Variants in MYOF observed in about 807,000 individuals in gnomAD.
The protein encoded by MYOF is myoferlin.
MYOF carries 244 observed loss-of-function variants against 284.2 expected under a neutral mutation model. The ratio of observed to expected loss-of-function variants is 0.86; its 90% CI spans 0.77 to 0.95. The LOEUF is 0.95. Ranked by LOEUF, MYOF falls within the 40% of genes least tolerant of loss-of-function variation. The probability of loss-of-function intolerance (pLI) is 0.00; values close to 1 mark genes in which losing one functional copy is unlikely to be tolerated. For synonymous variants in MYOF, 904 were observed against 919.7 expected (o/e 0.98, Z 0.31); for missense variants, 2,496 against 2,560.6 (o/e 0.97, Z 0.54).
In MYOF at chr10:93,378,693, G is replaced by GTGTGTATATATATATATATA; in HGVS notation, c.2001+1169_2001+1170insTATATATATATATATACACA. The stretch of plus-strand genomic sequence containing the variant: ...TATGTGTGTGTGTATGTGTGTGTGT[G>GTGTGTATATATATATATATA]TATATATATATATATATATATATGT... On this transcript the variant is annotated intron_variant, in intron 21 of 53. Coordinates refer to ENST00000359263, the MANE Select transcript of MYOF (RefSeq NM_013451.4). Among the ~76,000 whole-genome samples, 315 of 87,840 alleles carry GTGTGTATATATATATATATA rather than the reference G, an allele frequency of 3.6e-3. 5 individuals are homozygous for GTGTGTATATATATATATATA. The highest frequency in any genetic ancestry group is 0.011 in the African/African-American group (237 of 20,766). The allele number at this position is 87,840 out of a possible 152,430, so 57.6% of individuals were successfully genotyped here.
At chr10:93,355,365 G>A (rs908771411) in intron 31 of MYOF, among the ~76,000 whole-genome samples, 5 of 152,324 alleles carry the variant, frequency 3.3e-5, no homozygotes, top group East Asian at 1.9e-4. Context: ...AGGCCAAGGC[G>A]GGTGGATCAC....
chr10:93,433,450 C>T (rs574238663), intron 3 of MYOF, among the ~76,000 whole-genome samples: 5 of 151,760 alleles, frequency 3.3e-5, no homozygotes, highest in African/African-American at 4.8e-5. Context: ...TGAGCCGCCG[C>T]GCCTGGCCCA....
chr10:93,353,916 C>T (rs769151912), intron 31 of MYOF, 28 bp from the exon 32 acceptor site: 32 of 1,561,638 alleles, frequency 2.0e-5, no homozygotes, highest in Non-Finnish European at 2.5e-5. Context: ...AGATTACTTA[C>T]AAGAAGCGTA....
intron 39 of MYOF, among the ~76,000 whole-genome samples, chr10:93,338,957 G>A (rs1843744040): frequency 6.7e-6 from 1 of 149,344 alleles, no homozygotes; most frequent in Non-Finnish European, 1.5e-5. Flanking sequence ...AACACAGAAT[G>A]TCACCTGCAG....
At chr10:93,457,913 T>TC in intron 1 of MYOF, among the ~76,000 whole-genome samples, 1 of 151,280 alleles carries the variant, frequency 6.6e-6, no homozygotes, top group East Asian at 2.0e-4. Context: ...TTCTATGTTT[T>TC]TTTTTTTTTC....
At chr10:93,389,952 G>T (rs1406123063) in intron 17 of MYOF, among the ~76,000 whole-genome samples, 1 of 152,208 alleles carries the variant, frequency 6.6e-6, no homozygotes, top group Non-Finnish European at 1.5e-5. Flanking sequence ...GCTACAGGGA[G>T]ATCAGCTTTG....
In MYOF at chr10:93,310,071, C is replaced by T; in HGVS notation, c.6096G>A (p.Leu2032=). The change falls in exon 53 of 54, where the codon CTG becomes CTA. Residue 2032 remains leucine (L), a synonymous_variant. Transcript: ENST00000359263. The part of the protein sequence containing the change: ...RRFKWVIIGL[L]FLLILLLFVA... ...CGAAGAGCAGCAGGATAAGCAGGAACAGCAAGCCGATGATGACCCACTTAA... is the reference window on the plus strand; with the variant it reads ...CGAAGAGCAGCAGGATAAGCAGGAATAGCAAGCCGATGATGACCCACTTAA... The T allele has an allele frequency of 1.2e-6, 2 of 1,614,126 alleles. No homozygotes were observed. Among genetic ancestry groups the T allele is most frequent in the Middle Eastern group, 1.6e-4 (1 of 6,062 alleles).
At chr10:93,396,296 A>G (rs1847008666) in intron 15 of MYOF, 72 bp from the exon 16 acceptor site, 2 of 1,081,278 alleles carry the variant, frequency 1.8e-6, no homozygotes, top group South Asian at 1.7e-5. Context: ...ATATGTCTTC[A>G]TTTCAACAAT....
At position 93,396,188 on chromosome 10, in the gene MYOF, T is replaced by C. The variant is rs774076647; in HGVS notation, c.1371A>G (p.Thr457=). 6.2e-6 allele frequency: 10 copies of C among 1,608,024 alleles called. No individual in the cohort carries two copies. The African/African-American group carries it at 1.1e-4, about 17-fold the overall frequency. ...RLTKNDVVGT[T]YLHLSKIAAS... is the part of the protein sequence containing the mutation. ...CAGCAATTTTAGAGAGGTGTAGATA[T>C]GTTGTTCCAACTACATCATTTTTAG... The change falls in exon 16 of 54, where the codon ACA becomes ACG. Residue 457 remains threonine, a synonymous_variant. Coordinates refer to ENST00000359263, the MANE Select transcript of MYOF (RefSeq NM_013451.4).
intron 5 of MYOF, among the ~76,000 whole-genome samples, chr10:93,423,525 GAAAAAA>G (rs59012520): frequency 2.1e-3 from 31 of 14,890 alleles, no homozygotes; most frequent in African/African-American, 7.6e-3. Flanking sequence ...GACTCCATCT[GAAAAAA>G]AAAAAAAAAA....
In MYOF at chr10:93,336,846, AAAG is replaced by A. The variant is rs1363686174; in HGVS notation, c.4438-803_4438-801del. Among the ~76,000 whole-genome samples the A allele has an allele frequency of 6.7e-5, 10 of 150,146 alleles. No individual in the cohort carries two copies. In the East Asian group the frequency reaches 1.2e-3, roughly 18 times the overall value. ...GAAGAAGGGAGGGAAGGCAGGAAGAAAAGAAGGAAGGAAGAAGGAAAGAAAGGA... is the reference window on the plus strand; with the variant it reads ...GAAGAAGGGAGGGAAGGCAGGAAGAAAAGGAAGGAAGAAGGAAAGAAAGGA... On this transcript the variant is annotated intron_variant, in intron 40 of 53. Transcript: ENST00000359263.
At chr10:93,361,247 G>A (rs1467790957) in intron 28 of MYOF, among the ~76,000 whole-genome samples, 5 of 152,154 alleles carry the variant, frequency 3.3e-5, no homozygotes, top group Admixed American at 1.3e-4. Flanking sequence ...AGCTCAGGTG[G>A]TAATGCTCAC....
chr10:93,342,054 CTTAT>C lies in MYOF; in HGVS notation c.4326+1798_4326+1801del, dbSNP rs1843946401. ...GCACTTGACCAATTTTCCCCGAAGA[CTTAT>C]TTCTCACTTTTCTTGTGATAGTGCT... is the stretch of plus-strand genomic sequence containing the variant. On this transcript the variant is annotated intron_variant, in intron 38 of 53. Transcript: ENST00000359263. 8.5e-6 allele frequency: 8 copies of C among 937,220 alleles called. No individual in the cohort carries two copies. The South Asian group carries it at 9.9e-5, about 12-fold the overall frequency. 58.1% of individuals were successfully genotyped at this position (937,220 alleles called of 1,614,324 possible).
At chr10:93,397,547 G>A in intron 13 of MYOF, 91 bp from the exon 14 acceptor site, 2 of 891,792 alleles carry the variant, frequency 2.2e-6, no homozygotes, top group South Asian at 1.9e-5. Flanking sequence ...GACTTTAGCA[G>A]TTTACTTATA....
chr10:93,416,445 G>A (rs1589534359), intron 5 of MYOF, among the ~76,000 whole-genome samples: 2 of 151,896 alleles, frequency 1.3e-5, no homozygotes, highest in African/African-American at 4.8e-5. Flanking sequence ...AATCACTTGA[G>A]CCCAGAGGCA....
rs369605584 is a variant in MYOF at position 93,333,264 on chromosome 10, G to C, written c.4768C>G (p.Arg1590Gly). 5.6e-6 allele frequency: 9 copies of C among 1,614,024 alleles called. No homozygotes were observed. Among genetic ancestry groups the C allele is most frequent in the Non-Finnish European group, 7.6e-6 (9 of 1,180,024 alleles). ...AGAGTGTTGGGAATGTAGTGATCTC[G>C]GTCTTCAATGACTTTTTTGCCCAGT... ...ITLGKKVIED[R>G]DHYIPNTLNP... Residue 1590 changes from arginine to glycine, a missense_variant, in exon 43 of 54, where the codon CGA becomes GGA. Arg to Gly is a moderately radical substitution (Grantham distance 125, BLOSUM62 -2). Transcript: ENST00000359263.
At chr10:93,329,543 A>G in intron 44 of MYOF, 121 bp downstream of exon 44, 1 of 716,986 alleles carries the variant, frequency 1.4e-6, no homozygotes, top group Non-Finnish European at 2.0e-6. Context: ...ATTGAAATCC[A>G]TACCTGAGTG....
chr10:93,377,434 A>G lies in MYOF; in HGVS notation c.2002-5T>C, dbSNP rs1317896415. The G allele has an allele frequency of 6.3e-7, 1 of 1,596,910 alleles. No individual in the cohort carries two copies. Among genetic ancestry groups the G allele is most frequent in the Middle Eastern group, 1.7e-4 (1 of 6,032 alleles). On this transcript the variant is annotated splice_polypyrimidine_tract_variant and splice_region_variant and intron_variant, in intron 21 of 53. Coordinates refer to ENST00000359263, the MANE Select transcript of MYOF (RefSeq NM_013451.4). ...TAGAGCTTCTATATTTGTTTGCTGA[A>G]GAATTTGAAAAGAGAGGAAATAATT...
At chr10:93,386,902 T>G (rs943387444) in intron 19 of MYOF, among the ~76,000 whole-genome samples, 4 of 152,044 alleles carry the variant, frequency 2.6e-5, no homozygotes, top group Non-Finnish European at 5.9e-5. Context: ...TGGACTCAGA[T>G]GAAAACGTGT....
Sources: allele counts gnomAD v4.1 joint callset (sites outside exome capture counted in the v4.1 genomes callset), GRCh38; gene constraint gnomAD v4.1.1; transcripts MANE v1.5; gene names NCBI Gene and HGNC (gene_info 2026-07-23, HGNC 2026-07-21).